Variants in PARN observed in about 807,000 individuals in gnomAD.
PARN encodes the protein poly(A)-specific ribonuclease PARN.
A neutral mutation model predicts 102.8 loss-of-function variants in PARN; 71 were observed. The ratio of observed to expected loss-of-function variants is 0.69; its 90% CI spans 0.57 to 0.84. The LOEUF is 0.84. Among genes scored for constraint, PARN ranks in the 40% least tolerant of loss-of-function variants. The pLI is 0.00. For missense variants in PARN, 782 were observed against 760.9 expected (o/e 1.03, Z -0.33); for synonymous variants, 261 against 252.9 (o/e 1.03, Z -0.30).
intron 21 of PARN, among the ~76,000 whole-genome samples, chr16:14,505,364 C>T (rs1026752070): frequency 1.3e-5 from 2 of 152,204 alleles, no homozygotes; most frequent in African/African-American, 2.4e-5. Flanking sequence ...GTAGTCCCAG[C>T]TCCTCCAGAG....
At chr16:14,619,250 A>T (rs1972130842) in intron 5 of PARN, among the ~76,000 whole-genome samples, 1 of 152,038 alleles carries the variant, frequency 6.6e-6, no homozygotes, top group Non-Finnish European at 1.5e-5. Flanking sequence ...AGCCTTACGA[A>T]ACAAATATAT....
Position 14,629,861 on chromosome 16 carries a change from G to A in PARN, c.20-187C>T, listed in dbSNP as rs114598461. 7.9e-3 allele frequency among the ~76,000 whole-genome samples: 1,201 copies of A among 152,338 alleles called. 16 individuals are homozygous for A. The highest frequency in any genetic ancestry group is 0.028 in the African/African-American group (1,158 of 41,580). ...GGTCAGGGGGGACAAGCCCCGGGGGGTGCCCGGCCCGGAGAAGGACAAGGC... is the reference window on the plus strand; with the variant it reads ...GGTCAGGGGGGACAAGCCCCGGGGGATGCCCGGCCCGGAGAAGGACAAGGC... On this transcript the variant is annotated intron_variant, in intron 1 of 23. Transcript: ENST00000437198.
At chr16:14,481,515 G>A (rs1963380503) in intron 22 of PARN, among the ~76,000 whole-genome samples, 1 of 152,086 alleles carries the variant, frequency 6.6e-6, no homozygotes, top group Non-Finnish European at 1.5e-5. Flanking sequence ...GAAATTCAAG[G>A]GAAATAGAAA....
chr16:14,496,283 C>A (rs1485419884), intron 21 of PARN, among the ~76,000 whole-genome samples: 1 of 151,930 alleles, frequency 6.6e-6, no homozygotes, highest in African/African-American at 2.4e-5. Flanking sequence ...TCACACCCAG[C>A]CCAACACAAA....
chr16:14,463,151 C>T (rs971924173), intron 22 of PARN, among the ~76,000 whole-genome samples: 7 of 152,194 alleles, frequency 4.6e-5, no homozygotes, highest in Admixed American at 4.6e-4. Context: ...AAAACACATA[C>T]ATCACAGCAC....
chr16:14,503,069 C>A (rs1010252870), intron 21 of PARN, among the ~76,000 whole-genome samples: 1 of 152,098 alleles, frequency 6.6e-6, no homozygotes, highest in African/African-American at 2.4e-5. Context: ...TTCTGCCCCC[C>A]TCACCCCGCT....
chr16:14,611,836 C>T (rs576126275), intron 6 of PARN, among the ~76,000 whole-genome samples: 23 of 152,244 alleles, frequency 1.5e-4, no homozygotes, highest in African/African-American at 2.4e-4. Flanking sequence ...CCACCGCGCA[C>T]GGCCAGCAAA....
chr16:14,536,137 T>C (rs909075578), intron 21 of PARN, among the ~76,000 whole-genome samples: 1 of 152,210 alleles, frequency 6.6e-6, no homozygotes. Context: ...GATTTATTGG[T>C]AACATTTTTA....
chr16:14,483,400 G>A lies in PARN; in HGVS notation c.1481-573C>T, dbSNP rs1454884416. Among the ~76,000 whole-genome samples, 12 of 152,336 alleles carry A rather than the reference G, an allele frequency of 7.9e-5. No individual in the cohort carries two copies. The South Asian group carries it at 2.3e-3, about 29-fold the overall frequency. ...ACTGGTGAGAAAGCAGGATCACAGAGGTCAGGGTTTTGCTGCAGACCATCC... is the reference window on the plus strand; with the variant it reads ...ACTGGTGAGAAAGCAGGATCACAGAAGTCAGGGTTTTGCTGCAGACCATCC... On this transcript the variant is annotated intron_variant, in intron 21 of 23. Coordinates refer to ENST00000437198, the MANE Select transcript of PARN (RefSeq NM_002582.4).
At chr16:14,537,068 A>G (rs1408289008) in intron 21 of PARN, among the ~76,000 whole-genome samples, 1 of 152,244 alleles carries the variant, frequency 6.6e-6, no homozygotes, top group Non-Finnish European at 1.5e-5. Flanking sequence ...TTCAGAATAT[A>G]CAAGAACTCA....
intron 21 of PARN, among the ~76,000 whole-genome samples, chr16:14,504,560 A>G (rs563400073): frequency 5.9e-5 from 9 of 152,318 alleles, no homozygotes; most frequent in Admixed American, 6.5e-5. Flanking sequence ...CTCCGTCTCA[A>G]AAAATAAATA....
At chr16:14,513,930 G>C (rs1965327212) in intron 21 of PARN, among the ~76,000 whole-genome samples, 3 of 152,120 alleles carry the variant, frequency 2.0e-5, no homozygotes, top group Admixed American at 2.0e-4. Context: ...CATCTGTTTT[G>C]TTCACCACAG....
At chr16:14,618,120 G>A (rs1040453397) in intron 5 of PARN, among the ~76,000 whole-genome samples, 6 of 152,286 alleles carry the variant, frequency 3.9e-5, no homozygotes, top group East Asian at 1.9e-4. Flanking sequence ...TCAGAAGTTC[G>A]AGACCGGCAG....
intron 21 of PARN, among the ~76,000 whole-genome samples, chr16:14,487,165 G>A (rs1291949535): frequency 1.3e-5 from 2 of 152,178 alleles, no homozygotes; most frequent in Admixed American, 6.5e-5. Flanking sequence ...TTTAATCTTC[G>A]GATGTTCTAG....
rs575407973 is a variant in PARN, at chr16:14,491,070, T to C, written c.1481-8243A>G. ...ATACTAAGTTGGAAACAGGAATCAG[T>C]GATCTAACAGAAACATGGTAAAATG... On this transcript the variant is annotated intron_variant, in intron 21 of 23. Coordinates refer to ENST00000437198, the MANE Select transcript of PARN (RefSeq NM_002582.4). Among the ~76,000 whole-genome samples the C allele has an allele frequency of 2.0e-5, 3 of 152,086 alleles. No homozygotes were observed. The South Asian group carries it at 6.3e-4, about 32-fold the overall frequency.
intron 21 of PARN, among the ~76,000 whole-genome samples, chr16:14,510,017 C>T (rs962373315): frequency 2.0e-5 from 3 of 152,120 alleles, no homozygotes; most frequent in Non-Finnish European, 4.4e-5. Context: ...AACAAAAACA[C>T]CCCAACAGAA....
At chr16:14,584,499 C>A in intron 15 of PARN, 77 bp from the exon 16 acceptor site, 4 of 1,179,060 alleles carry the variant, frequency 3.4e-6, no homozygotes, top group Admixed American at 4.1e-5. Context: ...CTGACCCCCC[C>A]AAAAAAAAGA....
chr16:14,571,515 T>C (rs1968810942), intron 18 of PARN, among the ~76,000 whole-genome samples: 1 of 152,196 alleles, frequency 6.6e-6, no homozygotes, highest in Admixed American at 6.5e-5. Context: ...GGAGGTCTCC[T>C]CTGCTTTCTG....
intron 21 of PARN, among the ~76,000 whole-genome samples, chr16:14,517,018 T>C (rs930966361): frequency 2.0e-5 from 3 of 152,172 alleles, no homozygotes; most frequent in Non-Finnish European, 2.9e-5. Flanking sequence ...TAAGAGATTA[T>C]AGCTAATTTC....
Sources: gnomAD v4.1 joint callset for allele counts (sites outside exome capture counted in the v4.1 genomes callset) on GRCh38, gnomAD v4.1.1 for gene constraint, MANE v1.5 for transcripts, NCBI Gene and HGNC (gene_info 2026-07-23, HGNC 2026-07-21) for gene names.